CACNA1F: variants seen among roughly 807,000 people sequenced by gnomAD.
CACNA1F encodes calcium voltage-gated channel subunit alpha1 F, also known as voltage-dependent L-type calcium channel subunit alpha-1F.
In CACNA1F, 59 loss-of-function variants were observed where a neutral mutation model predicts 143.8. The observed-to-expected ratio is 0.41, with a 90% CI of 0.33 to 0.51. CACNA1F has a LOEUF of 0.51. CACNA1F is among the 20% of genes least tolerant of loss of function. The pLI is 0.22. For missense variants in CACNA1F, 1,411 were observed against 1,647.5 expected, an observed-to-expected ratio of 0.86 and a Z score of 2.48; for synonymous variants, 643 against 649.1, an observed-to-expected ratio of 0.99 and a Z score of 0.14.
rs782476555 is a variant in CACNA1F at position 49,219,824 on chromosome X, G to A, written c.2387-34C>T. 1.0e-5 allele frequency: 9 copies of A among 880,837 alleles called. No homozygotes were observed. The African/African-American group carries it at 1.6e-4, about 16-fold the overall frequency. 72.6% of individuals were successfully genotyped at this position (880,837 alleles called of 1,213,427 possible). A position where few individuals can be genotyped will look rare whatever the true frequency, so the allele number is the denominator to read the frequency against. On this transcript the variant is annotated intron_variant, in intron 19 of 47. Coordinates refer to ENST00000323022, the MANE Select transcript of CACNA1F (RefSeq NM_001256789.3). ...AGAGAAAAGCAAAAAAAAATTAATT[G>A]AGCAAGTTGATGTAAAGCACCCAGA...
At chrX:49,213,113 AGGGGACAAT>A in intron 31 of CACNA1F, 119 bp from the exon 32 acceptor site, 3 of 604,688 alleles carry the variant, frequency 5.0e-6, no homozygotes, top group Non-Finnish European at 8.3e-6. Flanking sequence ...GTCATTACAC[AGGGGACAAT>A]GGGAAAGTTT....
intron 14 of CACNA1F, among the ~76,000 whole-genome samples, 196 bp from the exon 15 acceptor site, chrX:49,223,332 T>C (rs894169628): frequency 1.8e-5 from 2 of 109,403 alleles, no homozygotes; most frequent in Non-Finnish European, 3.8e-5. Flanking sequence ...CTGGGCCCTG[T>C]GGTGGCTCAC....
Position 49,207,756 on chromosome X carries a change from T to A in CACNA1F, c.5124-644A>T, listed in dbSNP as rs189195777. On this transcript the variant is annotated intron_variant, in intron 43 of 47. Coordinates refer to ENST00000323022, the MANE Select transcript of CACNA1F (RefSeq NM_001256789.3). ...AGCTAGACACTCTGAAATTTTTTTTTAAAATTTTTCTTTAATCTGCTTATG... is the reference window on the plus strand; with the variant it reads ...AGCTAGACACTCTGAAATTTTTTTTAAAAATTTTTCTTTAATCTGCTTATG... Among the ~76,000 whole-genome samples the A allele has an allele frequency of 2.7e-3, 300 of 110,617 alleles. 8 individuals carry two copies. In the East Asian group the frequency reaches 0.062, roughly 23 times the overall value.
Position 49,227,174 on chromosome X carries a change from C to A in CACNA1F, c.1119-47G>T, listed in dbSNP as rs191116210. On this transcript the variant is annotated intron_variant, in intron 8 of 47. Transcript: ENST00000323022. ...CTAGGGGGAGGAGCCAATCTGAACA[C>A]CTTGCTTTCATCACTCCAGCCACAC... The A allele has an allele frequency of 2.8e-4, 292 of 1,044,458 alleles. 1 individual carries two copies. The African/African-American group carries it at 4.8e-3, about 17-fold the overall frequency. 86.1% of individuals were successfully genotyped at this position (1,044,458 alleles called of 1,213,427 possible). A position where few individuals can be genotyped will look rare whatever the true frequency, so the allele number is the denominator to read the frequency against.
rs782450971 is a variant in CACNA1F at position 49,226,627 on chromosome X, T to C, written c.1352A>G (p.His451Arg). ...RWFSHSTRST[H>R]STSSHASLPA... The stretch of plus-strand genomic sequence containing the variant: ...ACCCCCACCATGGCTGCTGGTGGAG[T>C]GTGTGGAGCGAGTAGAATGACTGAA... Residue 451 changes from histidine to arginine, a missense_variant, in exon 10 of 48, where the codon CAC becomes CGC. Physicochemically the swap from His to Arg is conservative, Grantham distance 29 (BLOSUM62 0). Around this residue, in one of 3 missense-constraint regions of CACNA1F, gnomAD observed 950 missense variants for 1,128.1 expected, o/e 0.84. Coordinates refer to ENST00000323022, the MANE Select transcript of CACNA1F (RefSeq NM_001256789.3). The C allele has an allele frequency of 9.3e-6, 11 of 1,177,071 alleles. No homozygotes were observed. The highest frequency in any genetic ancestry group is 1.8e-5 in the African/African-American group (1 of 55,836).
intron 36 of CACNA1F, 74 bp from the exon 37 acceptor site, chrX:49,211,166 G>A (rs932850466): frequency 8.8e-7 from 1 of 1,136,958 alleles, no homozygotes. Flanking sequence ...GGGAGGCTGG[G>A]GCGGGCTTAT....
chrX:49,226,273 G>A, intron 11 of CACNA1F, 30 bp from the exon 12 acceptor site: 1 of 1,180,692 alleles, frequency 8.5e-7, no homozygotes. Context: ...GGAGGTGTGT[G>A]TCGTAAAGGG....
rs914145722 is a variant in CACNA1F, at chrX:49,219,428, G to A, written c.2566C>T (p.Leu856Phe). Residue 856 changes from leucine to phenylalanine, a missense_variant, in exon 21 of 48, where the codon CTC (leucine) becomes TTC (phenylalanine). Physicochemically the swap from Leu to Phe is conservative, Grantham distance 22. Around this residue, in one of 3 missense-constraint regions of CACNA1F, gnomAD observed 950 missense variants for 1,128.1 expected, o/e 0.84. Coordinates refer to ENST00000323022, the MANE Select transcript of CACNA1F (RefSeq NM_001256789.3). ...TTGGTGAAGACATGATGGTGGATGA[G>A]GGTGTGGCAGCCCTTCCTCAGCCTG... ...TNPLRKGCHT[L>F]IHHHVFTNLI... is the part of the protein sequence containing the mutation. 1 of 1,208,736 alleles carries A rather than the reference G, an allele frequency of 8.3e-7. No homozygotes were observed. Among genetic ancestry groups the A allele is most frequent in the Non-Finnish European group, 1.1e-6 (1 of 893,937 alleles).
Position 49,216,593 on chromosome X carries a change from T to C in CACNA1F, c.3090-65A>G. The stretch of plus-strand genomic sequence containing the variant: ...GAGGAACTGGGGAAAGGGTCTGGGG[T>C]CTCCAGCATGGAGGCAGCAGGACAT... On this transcript the variant is annotated intron_variant, in intron 26 of 47. Coordinates refer to ENST00000323022, the MANE Select transcript of CACNA1F (RefSeq NM_001256789.3). 7 of 1,022,393 alleles carry C rather than the reference T, an allele frequency of 6.8e-6. No homozygotes were observed. The South Asian group carries it at 1.4e-4, about 21-fold the overall frequency. The allele number at this position is 1,022,393 out of a possible 1,213,427, so 84.3% of individuals were successfully genotyped here. A position where few individuals can be genotyped will look rare whatever the true frequency, so the allele number is the denominator to read the frequency against.
Position 49,215,477 on chromosome X carries a change from C to G in CACNA1F, c.3303G>C (p.Glu1101Asp). The G allele has an allele frequency of 8.3e-7, 1 of 1,206,633 alleles. No individual in the cohort carries two copies. Among genetic ancestry groups the G allele is most frequent in the East Asian group, 3.0e-5 (1 of 33,770 alleles). The change falls in exon 28 of 48, where the codon GAG (glutamate) becomes GAC (aspartate). Residue 1101 changes from glutamate to aspartate, a missense_variant. Physicochemically the swap from Glu to Asp is conservative, Grantham distance 45. Transcript: ENST00000323022. ...TGTAGACAATGAAGAACACTGAGAT[C>G]TCCACACGGTAATTATAGATGGGGC... ...DHGPIYNYRVEISVFFIVYII... is the reference protein window; with the variant it reads ...DHGPIYNYRVDISVFFIVYII...
At chrX:49,226,383 C>T (rs782751910) in intron 11 of CACNA1F, 26 bp downstream of exon 11, 3 of 1,166,304 alleles carry the variant, frequency 2.6e-6, no homozygotes, top group Non-Finnish European at 3.5e-6. Flanking sequence ...GGCTTCTGGG[C>T]TGGGTCAGGG....
chrX:49,229,719 C>T (rs1602655247), intron 6 of CACNA1F, among the ~76,000 whole-genome samples: 1 of 97,082 alleles, frequency 1.0e-5, no homozygotes, highest in South Asian at 3.7e-4. Flanking sequence ...CCTGGGTTCA[C>T]GCCATTCTCC....
rs2065843553 is a variant in CACNA1F at position 49,228,240 on chromosome X, G to A, written c.1014+11C>T. ...GCAGCCTTTGAGCTCTGTGCCCACAGTCCACCTCACCCAGTAGAGCACATC... is the reference window on the plus strand; with the variant it reads ...GCAGCCTTTGAGCTCTGTGCCCACAATCCACCTCACCCAGTAGAGCACATC... On this transcript the variant is annotated intron_variant, in intron 7 of 47. Coordinates refer to ENST00000323022, the MANE Select transcript of CACNA1F (RefSeq NM_001256789.3). 7.5e-6 allele frequency: 9 copies of A among 1,206,622 alleles called. No individual in the cohort carries two copies. Among genetic ancestry groups the A allele is most frequent in the Non-Finnish European group, 1.0e-5 (9 of 891,522 alleles).
intron 1 of CACNA1F, among the ~76,000 whole-genome samples, chrX:49,232,731 T>TG (rs1450588015): frequency 4.5e-5 from 5 of 111,633 alleles, no homozygotes; most frequent in Non-Finnish European, 9.4e-5. Context: ...AGTGGCTGAA[T>TG]GGGGAGTCAC....
chrX:49,225,031 G>T (rs2065810307), intron 13 of CACNA1F, 45 bp from the exon 14 acceptor site: 1 of 908,448 alleles, frequency 1.1e-6, no homozygotes, highest in Non-Finnish European at 1.6e-6. Flanking sequence ...CAGTTTCTGT[G>T]GTGACATGTG....
At chrX:49,218,129 G>A in intron 24 of CACNA1F, 124 bp from the exon 25 acceptor site, 1 of 517,281 alleles carries the variant, frequency 1.9e-6, no homozygotes. Flanking sequence ...GGTCAGGGAT[G>A]TATGGTTAGC....
At position 49,226,659 on chromosome X, in the gene CACNA1F, C is replaced by A; in HGVS notation, c.1320G>T (p.Leu440=). ...AGCGAGTAGAATGACTGAACCAGCG[C>A]AGACGTCCACGCCTCCTATTGGTCA... ...AELTNRRRGR[L]RWFSHSTRST... Residue 440 remains leucine (L), a synonymous_variant, in exon 10 of 48, where the codon CTG becomes CTT. Transcript: ENST00000323022. The A allele has an allele frequency of 8.4e-7, 1 of 1,183,495 alleles. No homozygotes were observed. The highest frequency in any genetic ancestry group is 1.1e-6 in the Non-Finnish European group (1 of 881,324).
At chrX:49,223,421 G>A (rs376628952) in intron 14 of CACNA1F, among the ~76,000 whole-genome samples, 83 of 106,787 alleles carry the variant, frequency 7.8e-4, no homozygotes, top group African/African-American at 2.8e-3. Context: ...TGGCTAACAC[G>A]GTGAAACCCC....
At position 49,216,391 on chromosome X, in the gene CACNA1F, C is replaced by G; in HGVS notation, c.3227G>C (p.Gly1076Ala). Reference sequence around the variant, plus strand: ...GGGCCCTGTCCCTCACGCAGGCCAGCCTTCAAAGGTGGAGACAGTGAACAG... The same window carrying G: ...GGGCCCTGTCCCTCACGCAGGCCAGGCTTCAAAGGTGGAGACAGTGAACAG... ...MALFTVSTFE[G>A]WPALLYKAID... Residue 1076 changes from glycine (G) to alanine (A), a missense_variant, in exon 27 of 48, where the codon GGC becomes GCC. By Grantham distance (60) the Gly-to-Ala change is moderately conservative (BLOSUM62 0). Around this residue, in one of 3 missense-constraint regions of CACNA1F, gnomAD observed 950 missense variants for 1,128.1 expected, o/e 0.84. Coordinates refer to ENST00000323022, the MANE Select transcript of CACNA1F (RefSeq NM_001256789.3). The G allele has an allele frequency of 3.3e-6, 4 of 1,211,092 alleles. No homozygotes were observed. Among genetic ancestry groups the G allele is most frequent in the Non-Finnish European group, 4.5e-6 (4 of 894,826 alleles).
Sources: gnomAD v4.1 joint callset for allele counts (sites outside exome capture counted in the v4.1 genomes callset) on GRCh38, gnomAD v4.1.1 for gene constraint, gnomAD v4.1.1 regional missense constraint, MANE v1.5 for transcripts, NCBI Gene and HGNC (gene_info 2026-07-23, HGNC 2026-07-21) for gene names.